The following ZFYVE9 variants were observed in gnomAD, a reference collection of about 807,000 sequenced individuals.
ZFYVE9 encodes zinc finger FYVE-type containing 9, also known as zinc finger FYVE domain-containing protein 9.
A neutral mutation model predicts 126.7 loss-of-function variants in ZFYVE9; 43 were observed. The ratio of observed to expected loss-of-function variants is 0.34; its 90% CI spans 0.27 to 0.44. ZFYVE9 has a LOEUF of 0.44. Among genes scored for constraint, ZFYVE9 ranks in the 20% least tolerant of loss-of-function variants. ZFYVE9 has a pLI of 1.00. For synonymous variants in ZFYVE9, 521 were observed against 597.4 expected, an observed-to-expected ratio of 0.87 and a Z score of 1.87; for missense variants, 1,476 against 1,697.0, an observed-to-expected ratio of 0.87 and a Z score of 2.29.
chr1:52,160,188 AGGCGCTTCTCCCT>A, intron 1 of ZFYVE9: 1 of 670,694 alleles, frequency 1.5e-6, no homozygotes, highest in Admixed American at 2.4e-5. Flanking sequence ...GTGAGGTTGG[AGGCGCTTCTCCCT>A]GCCTGTTAAG....
intron 1 of ZFYVE9, among the ~76,000 whole-genome samples, chr1:52,149,720 C>G (rs1644336794): frequency 6.6e-6 from 1 of 152,034 alleles, no homozygotes; most frequent in African/African-American, 2.4e-5. Context: ...GTCTTGAACT[C>G]CTGACCTCGT....
intron 4 of ZFYVE9, among the ~76,000 whole-genome samples, chr1:52,240,011 G>A (rs148553933): frequency 6.6e-6 from 1 of 152,128 alleles, no homozygotes; most frequent in African/African-American, 2.4e-5. Flanking sequence ...ACATTTAATT[G>A]TTGAAAAATA....
At chr1:52,192,340 T>G (rs984607326) in intron 1 of ZFYVE9, among the ~76,000 whole-genome samples, 1 of 151,448 alleles carries the variant, frequency 6.6e-6, no homozygotes, top group African/African-American at 2.4e-5. Flanking sequence ...AAGGAGATTC[T>G]GCTGCATTCA....
intron 12 of ZFYVE9, among the ~76,000 whole-genome samples, chr1:52,301,193 G>C (rs942708481): frequency 1.5e-4 from 22 of 150,172 alleles, no homozygotes; most frequent in African/African-American, 5.1e-4. Flanking sequence ...TTGAGATGTT[G>C]CTCCACTGTC....
intron 4 of ZFYVE9, among the ~76,000 whole-genome samples, chr1:52,241,692 T>C (rs935159534): frequency 6.6e-6 from 1 of 152,176 alleles, no homozygotes; most frequent in Admixed American, 6.5e-5. Context: ...AATTTCATCT[T>C]TTTCCCTCGT....
At chr1:52,269,984 T>C (rs995210305) in intron 7 of ZFYVE9, among the ~76,000 whole-genome samples, 3 of 152,112 alleles carry the variant, frequency 2.0e-5, no homozygotes, top group Admixed American at 2.0e-4. Context: ...ACAGAAAAGT[T>C]ACAAGAATAG....
chr1:52,215,627 T>C (rs1645065075), intron 1 of ZFYVE9, among the ~76,000 whole-genome samples: 1 of 152,240 alleles, frequency 6.6e-6, no homozygotes, highest in Non-Finnish European at 1.5e-5. Context: ...ATAATATTCA[T>C]AGTCTTAGTT....
Position 52,268,630 on chromosome 1 carries a change from G to C in ZFYVE9, c.2623G>C (p.Glu875Gln). 6.2e-7 allele frequency: 1 copy of C among 1,613,218 alleles called. No homozygotes were observed. Among genetic ancestry groups the C allele is most frequent in the Non-Finnish European group, 8.5e-7 (1 of 1,179,404 alleles). Reference sequence around the variant, plus strand: ...AGTAACTACCAGTCCTCTACCAGCAGAGGTAAGAAAACAAAACAGCAACTA... The same window carrying C: ...AGTAACTACCAGTCCTCTACCAGCACAGGTAAGAAAACAAAACAGCAACTA... ...KPVTTSPLPA[E>Q]TDICLFSGSI... Residue 875 changes from glutamate to glutamine, a missense_variant and splice_region_variant, in exon 7 of 19, where the codon GAG becomes CAG. Glu to Gln is a conservative substitution (Grantham distance 29). Coordinates refer to ENST00000287727, the MANE Select transcript of ZFYVE9 (RefSeq NM_004799.4).
At chr1:52,285,909 C>T (rs1368415605) in intron 10 of ZFYVE9, among the ~76,000 whole-genome samples, 1 of 152,164 alleles carries the variant, frequency 6.6e-6, no homozygotes, top group Non-Finnish European at 1.5e-5. Context: ...AATCCCAGCA[C>T]TTTGGCAGGC....
chr1:52,180,355 T>C, intron 1 of ZFYVE9: 1 of 1,556,778 alleles, frequency 6.4e-7, no homozygotes, highest in East Asian at 2.2e-5. Flanking sequence ...GAAGGAGATA[T>C]CAAGGCTCAG....
intron 14 of ZFYVE9, 91 bp from the exon 15 acceptor site, chr1:52,334,597 C>G (rs747613528): frequency 1.5e-6 from 2 of 1,346,022 alleles, no homozygotes; most frequent in Non-Finnish European, 2.1e-6. Context: ...TGATGATGGT[C>G]GGAATTCTCA....
chr1:52,288,456 G>C (rs897915348), intron 10 of ZFYVE9, among the ~76,000 whole-genome samples: 20 of 152,132 alleles, frequency 1.3e-4, no homozygotes, highest in Non-Finnish European at 2.1e-4. Context: ...TGAGTCACCT[G>C]ACCTGGCTCC....
chr1:52,219,749 T>TTGTGTGTGTGTGTGTGTGTG lies in ZFYVE9; in HGVS notation c.-37+3310_-37+3329dup, dbSNP rs56340178. Reference sequence around the variant, plus strand: ...ATAGAGCATTTCAGGCCAAGATCTTTTGTGTGTGTGTGTGTGTGTGTGTGT... The same window carrying TTGTGTGTGTGTGTGTGTGTG: ...ATAGAGCATTTCAGGCCAAGATCTTTTGTGTGTGTGTGTGTGTGTGTGTGTGTGTGTGTGTGTGTGTGTGT... On this transcript the variant is annotated intron_variant, in intron 2 of 18. Transcript: ENST00000287727. Among the ~76,000 whole-genome samples, 19 of 113,274 alleles carry TTGTGTGTGTGTGTGTGTGTG rather than the reference T, an allele frequency of 1.7e-4. 1 individual carries two copies. The highest frequency in any genetic ancestry group is 1.4e-4 in the African/African-American group (4 of 28,954). 74.3% of individuals were successfully genotyped at this position (113,274 alleles called of 152,430 possible). A position where few individuals can be genotyped will look rare whatever the true frequency, so the allele number is the denominator to read the frequency against.
rs532038022 is a variant in ZFYVE9 at position 52,220,790 on chromosome 1, G to A, written c.-37+4316G>A. 2.2e-4 allele frequency among the ~76,000 whole-genome samples: 34 copies of A among 152,262 alleles called. No individual in the cohort carries two copies. In the East Asian group the frequency reaches 2.9e-3, roughly 13 times the overall value. On this transcript the variant is annotated intron_variant, in intron 2 of 18. Transcript: ENST00000287727. ...CTATTTTCTTTAGAGAAAGGTCTAC[G>A]TGGGAGAAGATGGGGATCGCAGCTG...
At chr1:52,198,751 A>C (rs1461253780) in intron 1 of ZFYVE9, among the ~76,000 whole-genome samples, 1 of 152,148 alleles carries the variant, frequency 6.6e-6, no homozygotes, top group Non-Finnish European at 1.5e-5. Flanking sequence ...TTTTAGAGCA[A>C]CTTCAAGTTC....
intron 1 of ZFYVE9, among the ~76,000 whole-genome samples, chr1:52,162,007 A>G (rs1222297181): frequency 2.6e-5 from 4 of 152,154 alleles, no homozygotes; most frequent in Admixed American, 2.6e-4. Flanking sequence ...ACTCAAAATG[A>G]CAACAATTAC....
Position 52,238,486 on chromosome 1 carries a change from C to A in ZFYVE9, c.1069C>A (p.Arg357=). The A allele has an allele frequency of 6.2e-7, 1 of 1,614,016 alleles. No homozygotes were observed. The highest frequency in any genetic ancestry group is 8.5e-7 in the Non-Finnish European group (1 of 1,179,952). Residue 357 remains arginine, a synonymous_variant, in exon 4 of 19, where the codon CGG becomes AGG. Transcript: ENST00000287727. The part of the protein sequence containing the change: ...NGSGRNNDCE[R]CSDCLVPNEV... The stretch of plus-strand genomic sequence containing the variant: ...GTCTGGAAGGAATAATGACTGTGAA[C>A]GGTGTTCAGATTGCCTTGTGCCTAA...
intron 2 of ZFYVE9, among the ~76,000 whole-genome samples, chr1:52,225,915 G>A (rs1645166484): frequency 6.6e-6 from 1 of 152,130 alleles, no homozygotes; most frequent in South Asian, 2.1e-4. Context: ...AGGAGCAGAG[G>A]TTTAATAAAC....
At chr1:52,255,943 C>CTTTTCTTTTCTTTTCTTTTCTTTTTTG (rs1311922239) in intron 4 of ZFYVE9, among the ~76,000 whole-genome samples, 1 of 122,312 alleles carries the variant, frequency 8.2e-6, no homozygotes. Flanking sequence ...CTTTTCTTTT[C>CTTTTCTTTTCTTTTCTTTTCTTTTTTG]TTTTCTTTTC....
Sources: gnomAD v4.1 joint callset for allele counts (sites outside exome capture counted in the v4.1 genomes callset) on GRCh38, gnomAD v4.1.1 for gene constraint, MANE v1.5 for transcripts, NCBI Gene and HGNC (gene_info 2026-07-23, HGNC 2026-07-21) for gene names.